NBPF11: variants seen among roughly 807,000 people sequenced by gnomAD.
NBPF11 encodes NBPF member 11, also known as NBPF family member NBPF11.
Under a neutral mutation model 93.9 loss-of-function variants are expected in NBPF11, and 72 were observed. The ratio of observed to expected loss-of-function variants is 0.77; its 90% confidence interval spans 0.63 to 0.93. The LOEUF (loss-of-function observed/expected upper bound fraction) is 0.93. Ranked by LOEUF, NBPF11 falls within the 40% of genes least tolerant of loss-of-function variation. The pLI is 0.00. For missense variants in NBPF11, 705 were observed against 802.2 expected, an observed-to-expected ratio of 0.88 and a Z score of 1.46; for synonymous variants, 224 against 304.9, an observed-to-expected ratio of 0.73 and a Z score of 2.76.
chr1:148,121,207 C>A (rs1196248163), intron 9 of NBPF11, among the ~76,000 whole-genome samples: 4 of 151,746 alleles, frequency 2.6e-5, no homozygotes, highest in Middle Eastern at 3.4e-3. Context: ...AACATGACAG[C>A]TAATTTTTGT....
rs1353813288 is a variant in NBPF11 at position 148,141,805 on chromosome 1, G to A, written c.-277+1610C>T. ...TGGCACCCACAAATCAGAGGAGGAG[G>A]AGGCTGGGAGGACCTAAGGGCTACA... On this transcript the variant is annotated intron_variant, in intron 2 of 23. Coordinates refer to ENST00000682118, the MANE Select transcript of NBPF11 (RefSeq NM_001385469.3). Among the ~76,000 whole-genome samples, 242 of 151,932 alleles carry A rather than the reference G, an allele frequency of 1.6e-3. 1 individual carries two copies. Among genetic ancestry groups the A allele is most frequent in the Middle Eastern group, 3.4e-3 (1 of 294 alleles).
At chr1:148,119,828 G>C (rs1483236444) in intron 10 of NBPF11, among the ~76,000 whole-genome samples, 3 of 151,840 alleles carry the variant, frequency 2.0e-5, no homozygotes, top group African/African-American at 7.3e-5. Context: ...TCTACTTTTT[G>C]TATTTTTAGT....
Position 148,132,723 on chromosome 1 carries a change from C to CTTTTTTTTTTTTTTTTTTTTTTTTTT in NBPF11, c.-36+2923_-36+2948dup, listed in dbSNP as rs796172565. 6.0e-5 allele frequency among the ~76,000 whole-genome samples: 2 copies of CTTTTTTTTTTTTTTTTTTTTTTTTTT among 33,214 alleles called. 1 individual carries two copies. Among genetic ancestry groups the CTTTTTTTTTTTTTTTTTTTTTTTTTT allele is most frequent in the Non-Finnish European group, 1.3e-4 (2 of 15,658 alleles). The allele number at this position is 33,214 out of a possible 152,430, so 21.8% of individuals were successfully genotyped here. ...CCTTACATAAATTTTGTTGACTTTCCTTTTTTTTTTTTTTTTTTTTTTTTT... is the reference window on the plus strand; with the variant it reads ...CCTTACATAAATTTTGTTGACTTTCCTTTTTTTTTTTTTTTTTTTTTTTTTTTTTTTTTTTTTTTTTTTTTTTTTTT... On this transcript the variant is annotated intron_variant, in intron 4 of 23. Coordinates refer to ENST00000682118, the MANE Select transcript of NBPF11 (RefSeq NM_001385469.3).
chr1:148,120,428 G>A (rs1156438925), intron 10 of NBPF11, 73 bp downstream of exon 10: 8 of 793,716 alleles, frequency 1.0e-5, no homozygotes, highest in Non-Finnish European at 1.6e-5. Context: ...TTGATGGAGA[G>A]AGCACTTAGT....
rs1663076231 is a variant in NBPF11 at position 148,104,582 on chromosome 1, C to T, written c.2536G>A (p.Gly846Arg). ...ATCTTCTTCCCCTTCTTTTCTTCCC[C>T]TTCTTCTTTTCTTCTTTGATCTTCT... is the stretch of plus-strand genomic sequence containing the variant. ...GEEDQRRKEE[G>R]EEKKGKKIKT... Residue 846 changes from glycine to arginine, a missense_variant, in exon 23 of 24, where the codon GGG becomes AGG. Gly to Arg is a moderately radical substitution (Grantham distance 125). Around this residue, in one of 12 missense-constraint regions of NBPF11, gnomAD observed 109 missense variants for 83.3 expected, o/e 1.31. Transcript: ENST00000682118. The T allele has an allele frequency of 5.0e-6, 3 of 597,380 alleles. No homozygotes were observed. Among genetic ancestry groups the T allele is most frequent in the Non-Finnish European group, 8.7e-6 (3 of 342,880 alleles). 37.0% of individuals were successfully genotyped at this position (597,380 alleles called of 1,614,324 possible). A position where few individuals can be genotyped will look rare whatever the true frequency, so the allele number is the denominator to read the frequency against.
At chr1:148,105,725 C>A (rs1220806908) in intron 21 of NBPF11, among the ~76,000 whole-genome samples, 197 bp from the exon 22 acceptor site, 2 of 95,590 alleles carry the variant, frequency 2.1e-5, no homozygotes, top group African/African-American at 1.3e-4. Flanking sequence ...AAGACAGACA[C>A]ACACACACAC....
intron 1 of NBPF11, among the ~76,000 whole-genome samples, chr1:148,148,623 C>T (rs1241219907): frequency 1.3e-5 from 2 of 151,936 alleles, no homozygotes; most frequent in Non-Finnish European, 1.5e-5. Flanking sequence ...TCTCACTGGG[C>T]GTGGGGACTC....
At chr1:148,146,271 A>G (rs1673012415) in intron 1 of NBPF11, 4 of 1,259,068 alleles carry the variant, frequency 3.2e-6, no homozygotes, top group Non-Finnish European at 1.0e-6. Flanking sequence ...CTGGGGCGGT[A>G]GCTGGGGGGG....
chr1:148,121,593 G>C (rs1327108604), intron 9 of NBPF11, among the ~76,000 whole-genome samples: 1 of 151,474 alleles, frequency 6.6e-6, no homozygotes, highest in Non-Finnish European at 1.5e-5. Context: ...CTGACCTCGT[G>C]ATCCACCCGC....
chr1:148,120,494 A>G lies in NBPF11; in HGVS notation c.988+7T>C, dbSNP rs1416379086. 7 of 906,366 alleles carry G rather than the reference A, an allele frequency of 7.7e-6. No individual in the cohort carries two copies. Among genetic ancestry groups the G allele is most frequent in the East Asian group, 7.2e-5 (3 of 41,866 alleles). 56.1% of individuals were successfully genotyped at this position (906,366 alleles called of 1,614,324 possible). ...CACTTTCGTGATGGTGAGCATATAG[A>G]TCTTACTGTATTTGTTCTGCTGCTT... is the stretch of plus-strand genomic sequence containing the variant. On this transcript the variant is annotated splice_region_variant and intron_variant, in intron 10 of 23. Transcript: ENST00000682118.
At chr1:148,147,942 C>T in intron 1 of NBPF11, among the ~76,000 whole-genome samples, 1 of 152,044 alleles carries the variant, frequency 6.6e-6, no homozygotes, top group Non-Finnish European at 1.5e-5. Flanking sequence ...CCTGCAGGAA[C>T]CTAGGCCCAG....
intron 22 of NBPF11, 133 bp from the exon 23 acceptor site, chr1:148,104,778 C>G: frequency 1.9e-6 from 1 of 520,616 alleles, no homozygotes; most frequent in South Asian, 2.1e-5. Flanking sequence ...AGATATATTT[C>G]AGGAGGCCTG....
intron 1 of NBPF11, chr1:148,146,716 C>T (rs1485789805): frequency 5.7e-5 from 92 of 1,611,960 alleles, no homozygotes; most frequent in Non-Finnish European, 6.0e-5. Context: ...TCGCTGCGTG[C>T]CTGGTGCCAG....
In NBPF11 at chr1:148,103,883, A is replaced by T. The variant is rs1297082569; in HGVS notation, c.*13T>A. The T allele has an allele frequency of 9.6e-5, 154 of 1,610,794 alleles. 1 individual carries two copies. Among genetic ancestry groups the T allele is most frequent in the Middle Eastern group, 9.0e-4 (4 of 4,462 alleles). Reference sequence around the variant, plus strand: ...CAGTGAGTCCTGTAAGACTTCAGGCACTTCCACTTCCATCAGCACGCTGCT... The same window carrying T: ...CAGTGAGTCCTGTAAGACTTCAGGCTCTTCCACTTCCATCAGCACGCTGCT... On this transcript the variant is annotated 3_prime_UTR_variant, in exon 24 of 24. Coordinates refer to ENST00000682118, the MANE Select transcript of NBPF11 (RefSeq NM_001385469.3).
rs1481275825 is a variant in NBPF11, at chr1:148,151,965, C to G, written c.-764G>C. 2 of 152,578 alleles carry G rather than the reference C, an allele frequency of 1.3e-5. No individual in the cohort carries two copies. Among genetic ancestry groups the G allele is most frequent in the African/African-American group, 2.4e-5 (1 of 41,288 alleles). The allele number at this position is 152,578 out of a possible 1,614,324, so 9.5% of individuals were successfully genotyped here. On this transcript the variant is annotated 5_prime_UTR_variant, in exon 1 of 24. Transcript: ENST00000682118. Reference sequence around the variant, plus strand: ...CCACCGCCGCCCAGCAACTTGCTTGCGGCCCGCTGGCTCCTCAGGGTCCGG... The same window carrying G: ...CCACCGCCGCCCAGCAACTTGCTTGGGGCCCGCTGGCTCCTCAGGGTCCGG...
rs1454087001 is a variant in NBPF11 at position 148,124,927 on chromosome 1, C to G, written c.250G>C (p.Glu84Gln). The G allele has an allele frequency of 2.0e-5, 32 of 1,610,006 alleles. No individual in the cohort carries two copies. The highest frequency in any genetic ancestry group is 2.5e-5 in the Non-Finnish European group (29 of 1,179,876). ...ERQFKEEKLA[E>Q]QLKQAEELRQ... ...AGCTCCTCAGCTTGCTTGAGCTGCT[C>G]TGCAAGCTTCTCCTCCTTGAACTGT... Residue 84 changes from glutamate (E) to glutamine (Q), a missense_variant, in exon 6 of 24, where the codon GAG becomes CAG. This residue lies in a region of NBPF11 where 128 missense variants were observed against 112.8 expected (regional missense o/e 1.14). Coordinates refer to ENST00000682118, the MANE Select transcript of NBPF11 (RefSeq NM_001385469.3).
chr1:148,142,722 C>A (rs1672395128), intron 2 of NBPF11, among the ~76,000 whole-genome samples: 1 of 151,192 alleles, frequency 6.6e-6, no homozygotes, highest in East Asian at 1.9e-4. Context: ...GGCCTCTAGC[C>A]CAGAGCAGGG....
At chr1:148,144,759 G>A (rs1672733527) in intron 1 of NBPF11, among the ~76,000 whole-genome samples, 1 of 151,926 alleles carries the variant, frequency 6.6e-6, no homozygotes, top group African/African-American at 2.4e-5. Flanking sequence ...AATCAACTGA[G>A]CCCAAGTGTT....
rs1360275179 is a variant in NBPF11, at chr1:148,146,964, G to A, written c.-548-3278C>T. 286 of 1,537,524 alleles carry A rather than the reference G, an allele frequency of 1.9e-4. 1 individual carries two copies. The highest frequency in any genetic ancestry group is 8.5e-4 in the South Asian group (72 of 85,000). On this transcript the variant is annotated intron_variant, in intron 1 of 23. Coordinates refer to ENST00000682118, the MANE Select transcript of NBPF11 (RefSeq NM_001385469.3). ...GGCAGCTCAGCCTGGGCACACCCAA[G>A]AGGGGACCAGGCGGGGGGCCGGGGG...
Sources: gnomAD v4.1 joint callset for allele counts (sites outside exome capture counted in the v4.1 genomes callset) on GRCh38, gnomAD v4.1.1 for gene constraint, gnomAD v4.1.1 regional missense constraint, MANE v1.5 for transcripts, NCBI Gene and HGNC (gene_info 2026-07-23, HGNC 2026-07-21) for gene names.